The following MDGA2 variants were observed in gnomAD, a reference collection of about 807,000 sequenced individuals.
The protein encoded by MDGA2 is MAM domain-containing glycosylphosphatidylinositol anchor protein 2.
MDGA2 carries 40 observed loss-of-function variants against 117.8 expected under a neutral mutation model. The ratio of observed to expected loss-of-function variants is 0.34; its 90% confidence interval spans 0.26 to 0.44. MDGA2 has a LOEUF of 0.44. Ranked by LOEUF, MDGA2 falls within the 20% of genes least tolerant of loss-of-function variation. The pLI is 1.00. For missense variants in MDGA2, 1,123 were observed against 1,250.6 expected (o/e 0.90, Z 1.54); for synonymous variants, 452 against 439.0 (o/e 1.03, Z -0.37).
At chr14:47,434,657 GATATATGGGAAGTGGTAAA>G (rs1382635927) in intron 1 of MDGA2, among the ~76,000 whole-genome samples, 1 of 152,072 alleles carries the variant, frequency 6.6e-6, no homozygotes. Context: ...ACATCACAAA[GATATATGGGAAGTGGTAAA>G]TATAGCTTGT....
chr14:46,847,801 A>T (rs1212417480), intron 15 of MDGA2, among the ~76,000 whole-genome samples: 1 of 151,978 alleles, frequency 6.6e-6, no homozygotes, highest in Non-Finnish European at 1.5e-5. Flanking sequence ...CGTTTCAAAT[A>T]ATTATTATTC....
chr14:47,116,967 A>G (rs954287681), intron 5 of MDGA2, among the ~76,000 whole-genome samples: 3 of 152,036 alleles, frequency 2.0e-5, no homozygotes, highest in Admixed American at 2.0e-4. Context: ...GAGTGAAAAG[A>G]CAGCCTATTA....
chr14:47,502,956 G>C (rs535257201), intron 1 of MDGA2, among the ~76,000 whole-genome samples: 1 of 152,112 alleles, frequency 6.6e-6, no homozygotes, highest in African/African-American at 2.4e-5. Context: ...TGGAATTATA[G>C]GCTTGAGCCA....
chr14:47,083,868 C>T (rs1202603723), intron 6 of MDGA2, among the ~76,000 whole-genome samples: 1 of 151,802 alleles, frequency 6.6e-6, no homozygotes, highest in Non-Finnish European at 1.5e-5. Flanking sequence ...ACTAAAAAGT[C>T]ACAGCAATTG....
chr14:47,662,960 T>C (rs528992302), intron 1 of MDGA2, among the ~76,000 whole-genome samples: 1 of 152,286 alleles, frequency 6.6e-6, no homozygotes, highest in South Asian at 2.1e-4. Flanking sequence ...GACAAAGACC[T>C]AAAACTCTAA....
At chr14:47,488,047 C>T (rs969176881) in intron 1 of MDGA2, among the ~76,000 whole-genome samples, 3 of 152,056 alleles carry the variant, frequency 2.0e-5, no homozygotes, top group Admixed American at 6.6e-5. Flanking sequence ...TGCTACACAG[C>T]CCTGGGGCTC....
At chr14:47,565,581 T>A (rs1020448506) in intron 1 of MDGA2, among the ~76,000 whole-genome samples, 1 of 152,140 alleles carries the variant, frequency 6.6e-6, no homozygotes, top group South Asian at 2.1e-4. Flanking sequence ...CAAAGTTCTT[T>A]GTTGAGTAGT....
intron 1 of MDGA2, among the ~76,000 whole-genome samples, chr14:47,304,991 C>T (rs1594784656): frequency 6.6e-6 from 1 of 152,218 alleles, no homozygotes; most frequent in East Asian, 1.9e-4. Flanking sequence ...ATTTTCCTTT[C>T]TCTCCACATT....
Position 47,013,379 on chromosome 14 carries a change from A to G in MDGA2, c.1819+21632T>C, listed in dbSNP as rs139465365. On this transcript the variant is annotated intron_variant, in intron 8 of 16. Transcript: ENST00000399232. The stretch of plus-strand genomic sequence containing the variant: ...CTTCATCCACTGAAGTTCTTTCGTG[A>G]GATTGCAGCAATTCAGTCACATCCT... 3.4e-3 allele frequency among the ~76,000 whole-genome samples: 525 copies of G among 152,238 alleles called. 4 individuals carry two copies. Among genetic ancestry groups the G allele is most frequent in the African/African-American group, 0.012 (485 of 41,570 alleles).
chr14:47,167,101 C>G (rs1378804613), intron 3 of MDGA2, among the ~76,000 whole-genome samples: 6 of 151,980 alleles, frequency 3.9e-5, no homozygotes, highest in Non-Finnish European at 8.8e-5. Flanking sequence ...GAGAATCCAC[C>G]AACTCTCTCT....
chr14:47,475,957 C>T (rs1165255994), intron 1 of MDGA2, among the ~76,000 whole-genome samples: 3 of 152,086 alleles, frequency 2.0e-5, no homozygotes, highest in Non-Finnish European at 4.4e-5. Flanking sequence ...TACGTTTTCA[C>T]CTATGCAACA....
At chr14:47,243,350 G>C (rs1887128555) in intron 2 of MDGA2, among the ~76,000 whole-genome samples, 1 of 151,638 alleles carries the variant, frequency 6.6e-6, no homozygotes, top group South Asian at 2.1e-4. Flanking sequence ...ATGTGGGTGG[G>C]GCCAGATAAG....
intron 9 of MDGA2, among the ~76,000 whole-genome samples, chr14:46,953,593 T>C (rs929688755): frequency 6.6e-6 from 1 of 151,420 alleles, no homozygotes. Flanking sequence ...ACAAAAAAGC[T>C]AAATATAAAA....
chr14:47,519,058 G>T (rs1285516884), intron 1 of MDGA2, among the ~76,000 whole-genome samples: 1 of 151,916 alleles, frequency 6.6e-6, no homozygotes, highest in Non-Finnish European at 1.5e-5. Flanking sequence ...ACAAAAATTG[G>T]CCAGGAGTGG....
chr14:47,210,689 G>A lies in MDGA2; in HGVS notation c.595+7332C>T, dbSNP rs74045282. Among the ~76,000 whole-genome samples the A allele has an allele frequency of 9.0e-3, 1,372 of 152,276 alleles. 20 individuals carry two copies. Among genetic ancestry groups the A allele is most frequent in the African/African-American group, 0.031 (1,285 of 41,560 alleles). ...AATGAAACAGTATCGGTATTAGAAT[G>A]CTGACCCTCATCAGTAGTTCTGCAG... On this transcript the variant is annotated intron_variant, in intron 3 of 16. Transcript: ENST00000399232.
At chr14:47,269,612 T>C (rs1350561391) in intron 2 of MDGA2, among the ~76,000 whole-genome samples, 1 of 152,188 alleles carries the variant, frequency 6.6e-6, no homozygotes, top group Non-Finnish European at 1.5e-5. Context: ...ATATGCTTTG[T>C]TGATCCTTGC....
At chr14:46,893,650 AAAG>A (rs1219825314) in intron 10 of MDGA2, among the ~76,000 whole-genome samples, 6 of 152,074 alleles carry the variant, frequency 3.9e-5, no homozygotes, top group Admixed American at 3.3e-4. Flanking sequence ...TACAATTAAA[AAAG>A]ACAAATTTAA....
chr14:47,387,066 T>G (rs974369288), intron 1 of MDGA2, among the ~76,000 whole-genome samples: 7 of 152,210 alleles, frequency 4.6e-5, no homozygotes, highest in African/African-American at 1.7e-4. Flanking sequence ...GCCCCATGAC[T>G]GTTCTTCTTC....
intron 3 of MDGA2, among the ~76,000 whole-genome samples, chr14:47,153,025 G>T (rs765013892): frequency 8.5e-5 from 13 of 152,218 alleles, no homozygotes; most frequent in Non-Finnish European, 1.8e-4. Flanking sequence ...AGCAAAGCTA[G>T]AAAAGACTTC....
Sources: allele counts gnomAD v4.1 joint callset (sites outside exome capture counted in the v4.1 genomes callset), GRCh38; gene constraint gnomAD v4.1.1; transcripts MANE v1.5; gene names NCBI Gene and HGNC (gene_info 2026-07-23, HGNC 2026-07-21).